PLPP4: variants seen among roughly 807,000 people sequenced by gnomAD.
PLPP4 encodes the protein diacylglycerol pyrophosphate like 2.
Under a neutral mutation model 32.2 loss-of-function variants are expected in PLPP4, and 20 were observed. That is an observed-to-expected ratio of 0.62 (90% CI 0.44 to 0.90). PLPP4 has a LOEUF of 0.90. Among genes scored for constraint, PLPP4 ranks in the 40% least tolerant of loss-of-function variants. PLPP4 has a pLI of 0.00. For missense variants in PLPP4, 257 were observed against 353.1 expected, an observed-to-expected ratio of 0.73 and a Z score of 2.18; for synonymous variants, 127 against 133.0, an observed-to-expected ratio of 0.95 and a Z score of 0.31.
intron 5 of PLPP4, among the ~76,000 whole-genome samples, chr10:120,556,802 T>A (rs1335683522): frequency 6.6e-6 from 1 of 152,142 alleles, no homozygotes; most frequent in Non-Finnish European, 1.5e-5. Flanking sequence ...GATTCAAACC[T>A]CGGCACTAGA....
At chr10:120,474,157 A>G (rs1017049361) in intron 1 of PLPP4, among the ~76,000 whole-genome samples, 2 of 152,196 alleles carry the variant, frequency 1.3e-5, no homozygotes, top group African/African-American at 4.8e-5. Flanking sequence ...TCAGGAGGGT[A>G]GAGAGACAAA....
intron 5 of PLPP4, among the ~76,000 whole-genome samples, chr10:120,542,202 G>A (rs1483182320): frequency 6.6e-6 from 1 of 152,190 alleles, no homozygotes; most frequent in South Asian, 2.1e-4. Flanking sequence ...CACCCATACC[G>A]ACAGAGGTCA....
intron 6 of PLPP4, 120 bp from the exon 7 acceptor site, chr10:120,589,183 G>A (rs1389975451): frequency 9.0e-6 from 8 of 891,562 alleles, no homozygotes; most frequent in Non-Finnish European, 1.1e-5. Flanking sequence ...AGTCTTTCAG[G>A]GGGTCCTGTA....
chr10:120,512,323 A>G (rs1468653086), intron 2 of PLPP4, among the ~76,000 whole-genome samples: 1 of 152,176 alleles, frequency 6.6e-6, no homozygotes, highest in East Asian at 1.9e-4. Context: ...TCAGCCCTTT[A>G]GCACCTGAAT....
Position 120,589,462 on chromosome 10 carries a change from C to CCA in PLPP4, c.777_778dup (p.Ser260ThrfsTer31), listed in dbSNP as rs757745803. On this transcript the variant is annotated frameshift_variant, in exon 7 of 7. Transcript: ENST00000398250. LOFTEE classifies it high-confidence loss of function. Reference sequence around the variant, plus strand: ...GAGAGGCCCACAGCTGACAGCGCACCCAGCTTGCCTCTGGAGGGGATCACC... The same window carrying CCA: ...GAGAGGCCCACAGCTGACAGCGCACCCACAGCTTGCCTCTGGAGGGGATCACC... The CCA allele has an allele frequency of 6.2e-7, 1 of 1,614,068 alleles. No homozygotes were observed.
At chr10:120,573,031 C>T (rs529492903) in intron 5 of PLPP4, among the ~76,000 whole-genome samples, 1 of 152,228 alleles carries the variant, frequency 6.6e-6, no homozygotes, top group Admixed American at 6.5e-5. Flanking sequence ...TCTAAATCAT[C>T]AAGGCTCAGG....
intron 6 of PLPP4, among the ~76,000 whole-genome samples, chr10:120,577,321 C>T (rs755941): frequency 0.017 from 2,567 of 152,220 alleles, 81 homozygotes; most frequent in African/African-American, 0.059. Context: ...TCAATAAGAG[C>T]CTTTGCATAG....
chr10:120,457,699 C>G (rs1023212834), intron 1 of PLPP4, among the ~76,000 whole-genome samples: 9 of 152,280 alleles, frequency 5.9e-5, no homozygotes, highest in Admixed American at 3.3e-4. Context: ...CCCGTGCCCT[C>G]GGGAAGTTTC....
At chr10:120,533,663 A>G (rs1195224491) in intron 5 of PLPP4, among the ~76,000 whole-genome samples, 1 of 152,134 alleles carries the variant, frequency 6.6e-6, no homozygotes, top group Non-Finnish European at 1.5e-5. Context: ...ATTACTGTAC[A>G]TATTGTATCT....
intron 5 of PLPP4, among the ~76,000 whole-genome samples, chr10:120,540,613 G>A (rs1453599248): frequency 6.6e-6 from 1 of 152,224 alleles, no homozygotes; most frequent in Non-Finnish European, 1.5e-5. Context: ...AAGAGGCCTT[G>A]CTCCTCTGCT....
At chr10:120,495,064 C>T (rs898255515) in intron 1 of PLPP4, among the ~76,000 whole-genome samples, 6 of 152,072 alleles carry the variant, frequency 3.9e-5, no homozygotes, top group Non-Finnish European at 5.9e-5. Flanking sequence ...AGTGCATGTA[C>T]GGAGGAAGAG....
intron 6 of PLPP4, among the ~76,000 whole-genome samples, chr10:120,577,385 C>T (rs907213490): frequency 2.6e-5 from 4 of 152,198 alleles, no homozygotes; most frequent in South Asian, 2.1e-4. Flanking sequence ...TCTGGCCCTA[C>T]CCTGTTTTGT....
chr10:120,458,006 A>G (rs911002809), intron 1 of PLPP4, among the ~76,000 whole-genome samples: 3 of 152,182 alleles, frequency 2.0e-5, no homozygotes, highest in Non-Finnish European at 2.9e-5. Context: ...GTAGCCGTGA[A>G]ATGCCCAGGG....
chr10:120,497,167 G>T (rs1486923386), intron 1 of PLPP4, among the ~76,000 whole-genome samples: 1 of 152,046 alleles, frequency 6.6e-6, no homozygotes, highest in African/African-American at 2.4e-5. Context: ...AGTCGGTGGT[G>T]CTTTTGTGAT....
intron 5 of PLPP4, among the ~76,000 whole-genome samples, chr10:120,538,765 G>T (rs532298877): frequency 6.6e-6 from 1 of 152,160 alleles, no homozygotes; most frequent in South Asian, 2.1e-4. Flanking sequence ...AATGTGTCAG[G>T]TTTTGTGTTA....
chr10:120,572,396 A>G (rs1002785927), intron 5 of PLPP4, among the ~76,000 whole-genome samples: 2 of 152,210 alleles, frequency 1.3e-5, no homozygotes, highest in African/African-American at 4.8e-5. Flanking sequence ...GCTTGGGCTG[A>G]TGACTTATAT....
chr10:120,562,940 A>T (rs1197399610), intron 5 of PLPP4, among the ~76,000 whole-genome samples: 1 of 152,208 alleles, frequency 6.6e-6, no homozygotes, highest in Non-Finnish European at 1.5e-5. Flanking sequence ...ATTGTTTAAG[A>T]TATAAATATA....
intron 6 of PLPP4, among the ~76,000 whole-genome samples, chr10:120,575,969 G>A (rs984079952): frequency 6.6e-6 from 1 of 152,222 alleles, no homozygotes; most frequent in African/African-American, 2.4e-5. Flanking sequence ...ACAGAGAGCT[G>A]AGACGGAGGT....
chr10:120,457,448 G>C, intron 1 of PLPP4, 87 bp downstream of exon 1: 1 of 1,262,706 alleles, frequency 7.9e-7, no homozygotes, highest in Non-Finnish European at 1.1e-6. Flanking sequence ...AGTTTGCGCA[G>C]CCGCTTCCCA....
Sources: gnomAD v4.1 joint callset for allele counts (sites outside exome capture counted in the v4.1 genomes callset) on GRCh38, gnomAD v4.1.1 for gene constraint, MANE v1.5 for transcripts, NCBI Gene and HGNC (gene_info 2026-07-23, HGNC 2026-07-21) for gene names.